The following MARK2 variants were observed in gnomAD, a reference collection of about 807,000 sequenced individuals.
MARK2 encodes the protein serine/threonine-protein kinase MARK2.
A neutral mutation model predicts 89.8 loss-of-function variants in MARK2; 16 were observed. That is an observed-to-expected ratio of 0.18 (90% CI 0.12 to 0.27). MARK2 has a LOEUF of 0.27. Among genes scored for constraint, MARK2 ranks in the 10% least tolerant of loss-of-function variants. MARK2 has a pLI of 1.00. For synonymous variants in MARK2, 382 were observed against 399.5 expected (o/e 0.96, Z 0.52); for missense variants, 621 against 1,049.9 (o/e 0.59, Z 5.65).
At position 63,904,826 on chromosome 11, in the gene MARK2, CACA is replaced by C; in HGVS notation, c.1721_1723del (p.Asn574del). On this transcript the variant is annotated inframe_deletion, in exon 16 of 19. Transcript: ENST00000402010. The surrounding 1 kb of genome is among the most constrained non-coding windows in gnomAD (Gnocchi z 6.3). ...TGTCCCTGTTGCCTCCCCATCCGCC[CACA>C]ACATCAGCAGCAGTGGTGGAGCCCC... The C allele has an allele frequency of 6.2e-7, 1 of 1,614,192 alleles. No individual in the cohort carries two copies. Among genetic ancestry groups the C allele is most frequent in the Non-Finnish European group, 8.5e-7 (1 of 1,180,030 alleles).
chr11:63,880,831 GCTCATTACC>G (rs1939043239), intron 1 of MARK2, among the ~76,000 whole-genome samples: 1 of 152,212 alleles, frequency 6.6e-6, no homozygotes, highest in Non-Finnish European at 1.5e-5. Context: ...GGATCTCGTG[GCTCATTACC>G]CTCATGGGTA....
At chr11:63,861,211 G>A (rs574490231) in intron 1 of MARK2, among the ~76,000 whole-genome samples, 2 of 152,182 alleles carry the variant, frequency 1.3e-5, no homozygotes, top group African/African-American at 4.8e-5. Context: ...TAAGGCGGGC[G>A]GATCACGAGG....
rs150714447 is a variant in MARK2 at position 63,886,617 on chromosome 11, T to C, written c.55-8542T>C. ...TTTTGTATTTTTAGTGGAGATGGGG[T>C]TTCGCCATGTTGCTTAGGCTGGTCT... On this transcript the variant is annotated intron_variant, in intron 1 of 18. Coordinates refer to ENST00000402010, the MANE Select transcript of MARK2 (RefSeq NM_001039469.3). Among the ~76,000 whole-genome samples, 493 of 152,222 alleles carry C rather than the reference T, an allele frequency of 3.2e-3. 2 individuals are homozygous for C. The highest frequency in any genetic ancestry group is 0.011 in the African/African-American group (474 of 41,526).
rs552391017 is a variant in MARK2 at position 63,840,940 on chromosome 11, C to T, written c.54+1380C>T. On this transcript the variant is annotated intron_variant, in intron 1 of 18. Coordinates refer to ENST00000402010, the MANE Select transcript of MARK2 (RefSeq NM_001039469.3). ...TTTTGATCCCAGAGACGTCCACTTT[C>T]CACACCTCCCCTTTCTTTCACCATC... Among the ~76,000 whole-genome samples the T allele has an allele frequency of 9.2e-5, 14 of 152,276 alleles. No individual in the cohort carries two copies. In the South Asian group the frequency reaches 2.3e-3, roughly 25 times the overall value.
At chr11:63,892,500 C>T (rs1024464998) in intron 1 of MARK2, among the ~76,000 whole-genome samples, 2 of 152,024 alleles carry the variant, frequency 1.3e-5, no homozygotes, top group African/African-American at 4.8e-5. Flanking sequence ...GAGTGCTTCA[C>T]GTACAGCCAG....
At chr11:63,876,418 G>A (rs1051461991) in intron 1 of MARK2, among the ~76,000 whole-genome samples, 1 of 152,242 alleles carries the variant, frequency 6.6e-6, no homozygotes, top group African/African-American at 2.4e-5. Flanking sequence ...ATTGTTGTCC[G>A]TGCTTTAGAT....
intron 1 of MARK2, among the ~76,000 whole-genome samples, chr11:63,841,839 T>C (rs1019493919): frequency 3.3e-5 from 5 of 152,240 alleles, no homozygotes; most frequent in African/African-American, 1.2e-4. Context: ...TTTCCTGTGA[T>C]GTGTGTGTTG....
intron 1 of MARK2, among the ~76,000 whole-genome samples, chr11:63,878,762 C>T (rs1167035407): frequency 6.6e-6 from 1 of 152,068 alleles, no homozygotes; most frequent in African/African-American, 2.4e-5. Context: ...AAGATCTGTT[C>T]CCGGGTCCTG....
chr11:63,843,714 T>C (rs2016135650), intron 1 of MARK2, among the ~76,000 whole-genome samples: 1 of 151,878 alleles, frequency 6.6e-6, no homozygotes, highest in Admixed American at 6.6e-5. Flanking sequence ...AACCTCCGCC[T>C]CCCGGGTCAA....
At chr11:63,845,193 C>G (rs1273648437) in intron 1 of MARK2, among the ~76,000 whole-genome samples, 1 of 152,172 alleles carries the variant, frequency 6.6e-6, no homozygotes, top group Admixed American at 6.5e-5. Context: ...AGCCCCTATT[C>G]CCTCTGCTTG....
chr11:63,848,471 C>T (rs563312838), intron 1 of MARK2, among the ~76,000 whole-genome samples: 2 of 151,454 alleles, frequency 1.3e-5, no homozygotes, highest in East Asian at 1.9e-4. Context: ...CTGCAACCTC[C>T]GCTTCCCAGG....
At chr11:63,864,548 C>T (rs1222266502) in intron 1 of MARK2, among the ~76,000 whole-genome samples, 2 of 152,046 alleles carry the variant, frequency 1.3e-5, no homozygotes, top group South Asian at 4.2e-4. Context: ...GCGTGAGCCA[C>T]CGTGCCTGGC....
At chr11:63,875,650 G>A (rs1938705806) in intron 1 of MARK2, among the ~76,000 whole-genome samples, 2 of 152,182 alleles carry the variant, frequency 1.3e-5, no homozygotes, top group South Asian at 4.1e-4. Flanking sequence ...AGCTGTTTCA[G>A]GAAACCGCCC....
rs1941062128 is a variant in MARK2 at position 63,903,404 on chromosome 11, T to C, written c.1514+246T>C. ...GCTGACCGTGGCCATCTCAGCTACATGCTCGCTTCTTGACCACGGCCAGGG... is the reference window on the plus strand; with the variant it reads ...GCTGACCGTGGCCATCTCAGCTACACGCTCGCTTCTTGACCACGGCCAGGG... On this transcript the variant is annotated intron_variant, in intron 14 of 18. Transcript: ENST00000402010. This position sits in a 1 kb window ranked among gnomAD's most constrained non-coding sequence, Gnocchi z 5.1. The C allele has an allele frequency of 1.2e-5, 6 of 517,730 alleles. No homozygotes were observed. The highest frequency in any genetic ancestry group is 2.1e-5 in the Non-Finnish European group (6 of 283,760). 32.1% of individuals were successfully genotyped at this position (517,730 alleles called of 1,614,324 possible).
intron 1 of MARK2, among the ~76,000 whole-genome samples, chr11:63,870,344 A>G (rs1938374979): frequency 6.6e-6 from 1 of 152,084 alleles, no homozygotes; most frequent in Admixed American, 6.5e-5. Flanking sequence ...GAGTGTTGGG[A>G]TTGCAGACAT....
chr11:63,876,164 G>A (rs1938740430), intron 1 of MARK2, among the ~76,000 whole-genome samples: 1 of 152,164 alleles, frequency 6.6e-6, no homozygotes, highest in South Asian at 2.1e-4. Context: ...CAGCCTTTCT[G>A]CCTGGGTGCA....
At chr11:63,899,504 G>C (rs1423000207) in intron 7 of MARK2, among the ~76,000 whole-genome samples, 2 of 152,184 alleles carry the variant, frequency 1.3e-5, no homozygotes, top group Admixed American at 6.5e-5. Context: ...TTGCAGGCAG[G>C]CACACACATA....
intron 1 of MARK2, among the ~76,000 whole-genome samples, chr11:63,890,971 GT>G (rs1565128230): frequency 6.6e-6 from 1 of 152,080 alleles, no homozygotes; most frequent in Non-Finnish European, 1.5e-5. Context: ...GCCACTGGTC[GT>G]TTTTTGGGTA....
chr11:63,845,141 C>G (rs1025239651), intron 1 of MARK2, among the ~76,000 whole-genome samples: 19 of 152,168 alleles, frequency 1.2e-4, no homozygotes, highest in African/African-American at 4.6e-4. Context: ...ATCTTCCTTC[C>G]CTGAGACTGC....
Sources: allele counts gnomAD v4.1 joint callset (sites outside exome capture counted in the v4.1 genomes callset), GRCh38; gene constraint gnomAD v4.1.1; non-coding constraint Gnocchi (gnomAD v3.1); transcripts MANE v1.5; gene names NCBI Gene and HGNC (gene_info 2026-07-23, HGNC 2026-07-21).